Variants in KY observed in about 807,000 individuals in gnomAD.
KY encodes the protein kyphoscoliosis peptidase.
A neutral mutation model predicts 76.1 loss-of-function variants in KY; 43 were observed. The observed-to-expected ratio is 0.57, with a 90% CI of 0.44 to 0.73. The LOEUF (loss-of-function observed/expected upper bound fraction) is 0.73, where lower values mean the gene tolerates loss of function less well. Among genes scored for constraint, KY ranks in the 30% least tolerant of loss-of-function variants. KY has a pLI of 0.00. For synonymous variants in KY, 277 were observed against 326.2 expected, an observed-to-expected ratio of 0.85 and a Z score of 1.63; for missense variants, 722 against 828.9, an observed-to-expected ratio of 0.87 and a Z score of 1.58.
chr3:134,635,262 C>A (rs1026875853), intron 3 of KY, among the ~76,000 whole-genome samples: 1 of 151,962 alleles, frequency 6.6e-6, no homozygotes, highest in East Asian at 1.9e-4. Context: ...TTTGGGAGGC[C>A]GAGGTGGGTG....
At chr3:134,605,263 G>GGGA (rs2107740624) in intron 10 of KY, among the ~76,000 whole-genome samples, 1 of 152,296 alleles carries the variant, frequency 6.6e-6, no homozygotes, top group Non-Finnish European at 1.5e-5. Context: ...CAGGGCCACA[G>GGGA]GGAGGGACCG....
intron 6 of KY, among the ~76,000 whole-genome samples, chr3:134,623,781 G>A (rs1963027940): frequency 6.6e-6 from 1 of 152,148 alleles, no homozygotes; most frequent in African/African-American, 2.4e-5. Context: ...TCTCACTTGA[G>A]CAGATAGCAC....
intron 6 of KY, among the ~76,000 whole-genome samples, chr3:134,621,402 A>T (rs557320004): frequency 6.6e-6 from 1 of 152,258 alleles, no homozygotes; most frequent in Non-Finnish European, 1.5e-5. Context: ...GAGAGTCCAG[A>T]AATGGACCCA....
intron 3 of KY, among the ~76,000 whole-genome samples, chr3:134,642,975 A>C (rs1046459598): frequency 1.6e-4 from 24 of 152,208 alleles, no homozygotes; most frequent in African/African-American, 5.3e-4. Context: ...GAATAAGTGC[A>C]TAAGTGGCTT....
chr3:134,626,851 T>TCAGG (rs1963520458), intron 5 of KY, among the ~76,000 whole-genome samples: 1 of 152,220 alleles, frequency 6.6e-6, no homozygotes, highest in South Asian at 2.1e-4. Context: ...CTGGGGATAC[T>TCAGG]CAGGCAGGCC....
chr3:134,615,669 G>A (rs183256762), intron 8 of KY, among the ~76,000 whole-genome samples: 1 of 150,172 alleles, frequency 6.7e-6, no homozygotes, highest in African/African-American at 2.5e-5. Context: ...CTATAAGGGT[G>A]GGGGAGCTAA....
At position 134,640,799 on chromosome 3, in the gene KY, AC is replaced by A. The variant is rs545660664; in HGVS notation, c.262+2516del. On this transcript the variant is annotated intron_variant, in intron 3 of 10. Coordinates refer to ENST00000423778, the MANE Select transcript of KY (RefSeq NM_178554.6). Reference sequence around the variant, plus strand: ...CCAAGCCTTGACTCCTCTCTTGTATACCCCAAATCCACACCATGGGGGAACC... The same window carrying A: ...CCAAGCCTTGACTCCTCTCTTGTATACCCAAATCCACACCATGGGGGAACC... Among the ~76,000 whole-genome samples, 100 of 152,064 alleles carry A rather than the reference AC, an allele frequency of 6.6e-4. 1 individual carries two copies. The highest frequency in any genetic ancestry group is 2.2e-3 in the African/African-American group (93 of 41,478).
In KY at chr3:134,601,600, C is replaced by T. The variant is rs1392322590; in HGVS notation, c.*1979G>A. Among the ~76,000 whole-genome samples, 1 of 152,208 alleles carries T rather than the reference C, an allele frequency of 6.6e-6. No individual in the cohort carries two copies. The highest frequency in any genetic ancestry group is 2.4e-5 in the African/African-American group (1 of 41,450). Reference sequence around the variant, plus strand: ...GTGGTGGTGCATAGCTGTTATGCCTCCGGGGCCTTTGTGCATTTTTCAGGT... The same window carrying T: ...GTGGTGGTGCATAGCTGTTATGCCTTCGGGGCCTTTGTGCATTTTTCAGGT... On this transcript the variant is annotated 3_prime_UTR_variant, in exon 11 of 11. Coordinates refer to ENST00000423778, the MANE Select transcript of KY (RefSeq NM_178554.6).
At chr3:134,639,080 T>G (rs2107974574) in intron 3 of KY, among the ~76,000 whole-genome samples, 1 of 151,414 alleles carries the variant, frequency 6.6e-6, no homozygotes, top group Admixed American at 6.6e-5. Context: ...GTTTTTTTTT[T>G]TTTTTCCTGC....
At chr3:134,608,402 G>T (rs1409314208) in intron 10 of KY, 1 of 1,465,166 alleles carries the variant, frequency 6.8e-7, no homozygotes, top group Admixed American at 2.1e-5. Context: ...CCCTTTCTGG[G>T]TTTATGCTAG....
At chr3:134,609,565 T>C (rs1247627636) in intron 9 of KY, among the ~76,000 whole-genome samples, 3 of 152,130 alleles carry the variant, frequency 2.0e-5, no homozygotes, top group Admixed American at 6.5e-5. Context: ...GCTGATAACA[T>C]CATGATCCAT....
intron 8 of KY, chr3:134,615,427 A>C (rs576058327): frequency 1.4e-5 from 2 of 147,240 alleles, no homozygotes; most frequent in African/African-American, 2.5e-5. Context: ...CATATTCCTC[A>C]TAGCTGACAT....
chr3:134,601,601 C>T lies in KY; in HGVS notation c.*1978G>A, dbSNP rs1300186635. Reference sequence around the variant, plus strand: ...TGGTGGTGCATAGCTGTTATGCCTCCGGGGCCTTTGTGCATTTTTCAGGTG... The same window carrying T: ...TGGTGGTGCATAGCTGTTATGCCTCTGGGGCCTTTGTGCATTTTTCAGGTG... On this transcript the variant is annotated 3_prime_UTR_variant, in exon 11 of 11. Coordinates refer to ENST00000423778, the MANE Select transcript of KY (RefSeq NM_178554.6). Among the ~76,000 whole-genome samples the T allele has an allele frequency of 1.3e-5, 2 of 152,200 alleles. No homozygotes were observed. The highest frequency in any genetic ancestry group is 1.9e-4 in the East Asian group (1 of 5,198).
chr3:134,650,017 A>G (rs1966846608), intron 1 of KY, among the ~76,000 whole-genome samples: 1 of 152,204 alleles, frequency 6.6e-6, no homozygotes, highest in Non-Finnish European at 1.5e-5. Context: ...CTTGCCATCC[A>G]GGACCCTGAG....
At chr3:134,625,267 A>C (rs1963279017) in intron 5 of KY, 132 bp from the exon 6 acceptor site, 2 of 734,828 alleles carry the variant, frequency 2.7e-6, no homozygotes, top group Non-Finnish European at 2.3e-6. Flanking sequence ...TGAAACATTG[A>C]GCCTAAGAGC....
At chr3:134,611,770 C>T (rs1880379) in intron 8 of KY, among the ~76,000 whole-genome samples, 95,439 of 152,092 alleles carry the variant, frequency 0.63, 30,411 homozygotes, top group East Asian at 0.87. Context: ...TGGGCCCTTC[C>T]ACAGACCAGG....
intron 2 of KY, among the ~76,000 whole-genome samples, chr3:134,646,799 C>T (rs1158481556): frequency 6.6e-6 from 1 of 152,112 alleles, no homozygotes; most frequent in Non-Finnish European, 1.5e-5. Context: ...TCTATTAGAA[C>T]CTTCACGTGC....
At chr3:134,619,823 G>C (rs1962283335) in intron 7 of KY, 1 of 154,204 alleles carries the variant, frequency 6.5e-6, no homozygotes, top group Non-Finnish European at 1.4e-5. Context: ...CATGGGGATA[G>C]AGCAGTAACG....
intron 3 of KY, among the ~76,000 whole-genome samples, chr3:134,635,883 C>T (rs561371753): frequency 1.6e-4 from 24 of 152,162 alleles, no homozygotes; most frequent in African/African-American, 5.8e-4. Context: ...AATCCAAAGC[C>T]GATTATAGTA....
Sources: gnomAD v4.1 joint callset for allele counts (sites outside exome capture counted in the v4.1 genomes callset) on GRCh38, gnomAD v4.1.1 for gene constraint, MANE v1.5 for transcripts, NCBI Gene and HGNC (gene_info 2026-07-23, HGNC 2026-07-21) for gene names.